The following DMXL1 variants were observed in gnomAD, a reference collection of about 807,000 sequenced individuals.
The protein encoded by DMXL1 is Dmx like 1, also known as dmX-like protein 1.
Under a neutral mutation model 319.2 loss-of-function variants are expected in DMXL1, and 99 were observed. The ratio of observed to expected loss-of-function variants is 0.31; its 90% CI spans 0.26 to 0.37. The LOEUF (loss-of-function observed/expected upper bound fraction) is 0.37, where lower values mean the gene tolerates loss of function less well. Ranked by LOEUF, DMXL1 falls within the 10% of genes least tolerant of loss-of-function variation. DMXL1 has a pLI of 1.00. For missense variants in DMXL1, 3,745 were observed against 3,595.6 expected (o/e 1.04, Z -1.06); for synonymous variants, 1,385 against 1,235.2 (o/e 1.12, Z -2.54).
chr5:119,173,764 ATATGTGTGTGTG>A (rs1775157202), intron 25 of DMXL1, among the ~76,000 whole-genome samples: 7 of 107,658 alleles, frequency 6.5e-5, no homozygotes, highest in South Asian at 3.3e-4. Flanking sequence ...GTATATATAT[ATATGTGTGTGTG>A]TATATATATA....
chr5:119,079,871 G>A (rs1580565362), intron 1 of DMXL1, among the ~76,000 whole-genome samples: 2 of 152,082 alleles, frequency 1.3e-5, no homozygotes, highest in Non-Finnish European at 2.9e-5. Context: ...AGTGTTCTTT[G>A]CAAGATATCT....
intron 13 of DMXL1, among the ~76,000 whole-genome samples, chr5:119,137,864 A>G (rs1013798363): frequency 6.6e-6 from 1 of 152,226 alleles, no homozygotes; most frequent in Non-Finnish European, 1.5e-5. Flanking sequence ...AAGGAACAGC[A>G]AAAAGGCCAC....
chr5:119,123,414 A>G (rs1051597480), intron 9 of DMXL1, among the ~76,000 whole-genome samples: 2 of 64,340 alleles, frequency 3.1e-5, no homozygotes, highest in African/African-American at 6.8e-5. Flanking sequence ...GGAGAGGGAG[A>G]GGAGGGAGAG....
At chr5:119,130,821 TGTGA>T (rs1764702268) in intron 10 of DMXL1, among the ~76,000 whole-genome samples, 1 of 152,204 alleles carries the variant, frequency 6.6e-6, no homozygotes, top group Non-Finnish European at 1.5e-5. Flanking sequence ...TTCTTTTTTC[TGTGA>T]GTTTTTCTAT....
chr5:119,101,433 A>C (rs1248782633), intron 2 of DMXL1, among the ~76,000 whole-genome samples: 1 of 152,210 alleles, frequency 6.6e-6, no homozygotes, highest in African/African-American at 2.4e-5. Flanking sequence ...GAGCCAGGAA[A>C]GGTTATGATC....
intron 4 of DMXL1, among the ~76,000 whole-genome samples, chr5:119,107,937 A>T (rs933326251): frequency 7.2e-5 from 11 of 152,208 alleles, no homozygotes; most frequent in Non-Finnish European, 8.8e-5. Flanking sequence ...AATTTTATAG[A>T]TGAGAAAATT....
At chr5:119,105,331 G>A in intron 4 of DMXL1, 73 bp downstream of exon 4, 1 of 1,199,674 alleles carries the variant, frequency 8.3e-7, no homozygotes, top group Non-Finnish European at 1.2e-6. Flanking sequence ...TTACTCTTAT[G>A]TATTTCACTT....
Position 119,134,360 on chromosome 5 carries a change from T to C in DMXL1, c.2347T>C (p.Leu783=), listed in dbSNP as rs769387352. ...YEAVIDAKKL[L]SELSNPEISK... is the part of the protein sequence containing the mutation. Reference sequence around the variant, plus strand: ...AGCAGTTATTGATGCTAAGAAACTTTTATCTGAGCTTTCTAACCCTGAAAT... The same window carrying C: ...AGCAGTTATTGATGCTAAGAAACTTCTATCTGAGCTTTCTAACCCTGAAAT... Residue 783 remains leucine, a synonymous_variant, in exon 13 of 44, where the codon TTA becomes CTA. Transcript: ENST00000539542. The C allele has an allele frequency of 5.0e-6, 8 of 1,612,818 alleles. No individual in the cohort carries two copies. Among genetic ancestry groups the C allele is most frequent in the South Asian group, 4.4e-5 (4 of 90,848 alleles).
At chr5:119,172,038 G>T in intron 25 of DMXL1, 69 bp downstream of exon 25, 2 of 1,385,540 alleles carry the variant, frequency 1.4e-6, no homozygotes, top group Non-Finnish European at 1.9e-6. Flanking sequence ...AAATATTAAG[G>T]CTTTTTTTTA....
intron 22 of DMXL1, among the ~76,000 whole-genome samples, chr5:119,167,271 G>A (rs913772422): frequency 6.6e-6 from 1 of 152,208 alleles, no homozygotes; most frequent in South Asian, 2.1e-4. Context: ...GTCTCCAGGG[G>A]CGGATGGAGA....
chr5:119,224,672 T>C, intron 37 of DMXL1, 37 bp from the exon 38 acceptor site: 1 of 795,700 alleles, frequency 1.3e-6, no homozygotes. Flanking sequence ...TTAATCCTTT[T>C]TATTATGCCT....
At chr5:119,071,932 A>G (rs1411958036) in intron 1 of DMXL1, among the ~76,000 whole-genome samples, 1 of 152,180 alleles carries the variant, frequency 6.6e-6, no homozygotes, top group Non-Finnish European at 1.5e-5. Flanking sequence ...GCTTTGCCAA[A>G]GTCGTTTGTT....
At chr5:119,183,485 C>G (rs1256805561) in intron 28 of DMXL1, among the ~76,000 whole-genome samples, 1 of 152,158 alleles carries the variant, frequency 6.6e-6, no homozygotes, top group African/African-American at 2.4e-5. Context: ...CTTTTCTTTT[C>G]TTTGTGAGGC....
intron 1 of DMXL1, among the ~76,000 whole-genome samples, chr5:119,079,708 A>G (rs1003795761): frequency 2.7e-5 from 4 of 149,768 alleles, no homozygotes; most frequent in African/African-American, 7.4e-5. Context: ...CTCCTTAGTC[A>G]CTGGTAACCA....
intron 5 of DMXL1, among the ~76,000 whole-genome samples, chr5:119,113,012 T>A (rs1242889759): frequency 1.3e-5 from 2 of 152,196 alleles, no homozygotes; most frequent in Non-Finnish European, 2.9e-5. Flanking sequence ...TCCTTAGGAT[T>A]AACCAGATGT....
At chr5:119,078,444 A>G (rs925447198) in intron 1 of DMXL1, among the ~76,000 whole-genome samples, 2 of 152,028 alleles carry the variant, frequency 1.3e-5, no homozygotes, top group Non-Finnish European at 2.9e-5. Context: ...CATATTTGTG[A>G]GATATTTATT....
At chr5:119,146,309 G>T (rs991904014) in intron 15 of DMXL1, among the ~76,000 whole-genome samples, 1 of 151,816 alleles carries the variant, frequency 6.6e-6, no homozygotes, top group African/African-American at 2.4e-5. Context: ...TGATTTTTCT[G>T]ATGTATTTTA....
At chr5:119,203,999 T>C (rs1389751724) in intron 33 of DMXL1, among the ~76,000 whole-genome samples, 1 of 151,992 alleles carries the variant, frequency 6.6e-6, no homozygotes, top group Non-Finnish European at 1.5e-5. Flanking sequence ...ATTTTTTGTA[T>C]TTTTAGTAGA....
chr5:119,082,413 G>A (rs549811884), intron 1 of DMXL1, among the ~76,000 whole-genome samples: 16 of 151,966 alleles, frequency 1.1e-4, no homozygotes, highest in African/African-American at 2.4e-4. Context: ...TAGCTGGGAC[G>A]ACAGGCATGT....
Sources: allele counts gnomAD v4.1 joint callset (sites outside exome capture counted in the v4.1 genomes callset), GRCh38; gene constraint gnomAD v4.1.1; transcripts MANE v1.5; gene names NCBI Gene and HGNC (gene_info 2026-07-23, HGNC 2026-07-21).